Variants in MACROH2A1 observed in about 807,000 individuals in gnomAD.
The protein encoded by MACROH2A1 is core histone macro-H2A.1.
Under a neutral mutation model 31.6 loss-of-function variants are expected in MACROH2A1, and 2 were observed. The ratio of observed to expected loss-of-function variants is 0.06; its 90% CI spans 0.03 to 0.20. The LOEUF is 0.20. Among genes scored for constraint, MACROH2A1 ranks in the 10% least tolerant of loss-of-function variants. The pLI is 1.00. For missense variants in MACROH2A1, 230 were observed against 474.0 expected (o/e 0.49, Z 4.78); for synonymous variants, 169 against 189.6 (o/e 0.89, Z 0.89).
intron 5 of MACROH2A1, chr5:135,354,855 A>G (rs1205584207): frequency 5.7e-6 from 2 of 352,732 alleles, no homozygotes; most frequent in Non-Finnish European, 5.6e-6. Context: ...ACTCCCCACC[A>G]CACACCACCA....
chr5:135,345,812 A>T (rs1760745433), intron 7 of MACROH2A1, 156 bp downstream of exon 7: 1 of 575,934 alleles, frequency 1.7e-6, no homozygotes, highest in African/African-American at 1.9e-5. Flanking sequence ...ATGTGGTGAA[A>T]CTCTAAGATG....
In MACROH2A1 at chr5:135,379,021, TA is replaced by T. The variant is rs150875173; in HGVS notation, c.173-8880del. 2.0e-5 allele frequency among the ~76,000 whole-genome samples: 3 copies of T among 152,330 alleles called. No homozygotes were observed. In the East Asian group the frequency reaches 5.8e-4, roughly 29 times the overall value. On this transcript the variant is annotated intron_variant, in intron 2 of 8. Coordinates refer to ENST00000511689, the MANE Select transcript of MACROH2A1 (RefSeq NM_138610.3). ...TTTTAGCAGTCAATACTCAGATTTATAGAGGCAACATAAATGTGAACCAAAG... is the reference window on the plus strand; with the variant it reads ...TTTTAGCAGTCAATACTCAGATTTATGAGGCAACATAAATGTGAACCAAAG...
Position 135,369,983 on chromosome 5 carries a change from G to T in MACROH2A1, c.279+53C>A. The T allele has an allele frequency of 1.7e-6, 2 of 1,156,930 alleles. No individual in the cohort carries two copies. Among genetic ancestry groups the T allele is most frequent in the South Asian group, 1.3e-5 (1 of 77,614 alleles). The allele number at this position is 1,156,930 out of a possible 1,614,324, so 71.7% of individuals were successfully genotyped here. A position where few individuals can be genotyped will look rare whatever the true frequency, so the allele number is the denominator to read the frequency against. ...CCAAAGCCTCTCAGCTATGTTTCTT[G>T]GGCAGTATGACCACCTGCTCAAACA... On this transcript the variant is annotated intron_variant, in intron 3 of 8. Coordinates refer to ENST00000511689, the MANE Select transcript of MACROH2A1 (RefSeq NM_138610.3). This position sits in a 1 kb window ranked among gnomAD's most constrained non-coding sequence, Gnocchi z 4.3.
At chr5:135,358,866 A>G in intron 5 of MACROH2A1, 2 of 984,940 alleles carry the variant, frequency 2.0e-6, no homozygotes, top group Non-Finnish European at 2.4e-6. Context: ...GATGTATCTG[A>G]AAAGGAAGAG....
rs966591646 is a variant in MACROH2A1, at chr5:135,359,404, C to A, written c.588+1093G>T. On this transcript the variant is annotated intron_variant, in intron 5 of 8. Coordinates refer to ENST00000511689, the MANE Select transcript of MACROH2A1 (RefSeq NM_138610.3). The stretch of plus-strand genomic sequence containing the variant: ...AACAAAAAATATTTTAAAACAAAAA[C>A]TTTCAAATCCCCAGACCTTAAGATG... 20 of 985,040 alleles carry A rather than the reference C, an allele frequency of 2.0e-5. No homozygotes were observed. In the African/African-American group the frequency reaches 3.5e-4, roughly 17 times the overall value. The allele number at this position is 985,040 out of a possible 1,614,324, so 61.0% of individuals were successfully genotyped here.
rs560854158 is a variant in MACROH2A1 at position 135,339,858 on chromosome 5, A to G, written c.953+3402T>C. Among the ~76,000 whole-genome samples the G allele has an allele frequency of 1.1e-3, 160 of 152,330 alleles. 1 individual carries two copies. Among genetic ancestry groups the G allele is most frequent in the African/African-American group, 3.3e-3 (139 of 41,568 alleles). On this transcript the variant is annotated intron_variant, in intron 8 of 8. Transcript: ENST00000511689. Reference sequence around the variant, plus strand: ...TGAGCTGTGCCCCCTGCAGCTAGAGAGGGGATGGGGCAGCCCCAAAGTGGC... The same window carrying G: ...TGAGCTGTGCCCCCTGCAGCTAGAGGGGGGATGGGGCAGCCCCAAAGTGGC...
intron 2 of MACROH2A1, among the ~76,000 whole-genome samples, chr5:135,374,717 T>C (rs1346788548): frequency 2.0e-5 from 3 of 152,200 alleles, no homozygotes; most frequent in Non-Finnish European, 4.4e-5. Context: ...CTGAGAAAGA[T>C]AACCAGGAAA....
At chr5:135,372,121 A>C (rs963058098) in intron 2 of MACROH2A1, among the ~76,000 whole-genome samples, 1 of 152,202 alleles carries the variant, frequency 6.6e-6, no homozygotes, top group Non-Finnish European at 1.5e-5. Context: ...TCCTTTGCTC[A>C]GTAATCACCA....
At chr5:135,366,813 T>C (rs890795997) in intron 4 of MACROH2A1, among the ~76,000 whole-genome samples, 6 of 152,104 alleles carry the variant, frequency 3.9e-5, no homozygotes, top group Non-Finnish European at 7.4e-5. Context: ...GGTTACTGAA[T>C]TGTAAGGCTG....
intron 4 of MACROH2A1, among the ~76,000 whole-genome samples, chr5:135,364,881 A>G (rs1327806441): frequency 6.6e-6 from 1 of 152,202 alleles, no homozygotes; most frequent in Non-Finnish European, 1.5e-5. Context: ...TTCCTCAACA[A>G]GAGAAAGAGG....
At chr5:135,367,808 G>C (rs1763702144) in intron 4 of MACROH2A1, among the ~76,000 whole-genome samples, 2 of 152,238 alleles carry the variant, frequency 1.3e-5, no homozygotes, top group South Asian at 4.1e-4. Flanking sequence ...GATAGATTCA[G>C]TATCTTCGTT....
intron 2 of MACROH2A1, among the ~76,000 whole-genome samples, chr5:135,378,315 T>C (rs1176647017): frequency 1.3e-5 from 2 of 152,232 alleles, no homozygotes; most frequent in Non-Finnish European, 2.9e-5. Context: ...GGCCAGCACA[T>C]GTCACTCCAG....
At chr5:135,384,042 AAG>A (rs1299441279) in intron 2 of MACROH2A1, among the ~76,000 whole-genome samples, 1 of 152,142 alleles carries the variant, frequency 6.6e-6, no homozygotes, top group Non-Finnish European at 1.5e-5. Context: ...GAAGGTGGTA[AAG>A]AGATTTGGGA....
chr5:135,358,463 G>C, intron 5 of MACROH2A1: 6 of 985,406 alleles, frequency 6.1e-6, no homozygotes, highest in Non-Finnish European at 7.2e-6. Context: ...AGGAAGGGCA[G>C]TTTCTTGGTA....
chr5:135,391,590 G>A (rs2149977285), intron 1 of MACROH2A1, among the ~76,000 whole-genome samples: 1 of 152,310 alleles, frequency 6.6e-6, no homozygotes, highest in African/African-American at 2.4e-5. Flanking sequence ...GCAACACCTG[G>A]CCGCTGAGCC....
chr5:135,343,631 G>A (rs1480316524), intron 7 of MACROH2A1, 197 bp from the exon 8 acceptor site: 1 of 819,452 alleles, frequency 1.2e-6, no homozygotes, highest in Non-Finnish European at 1.8e-6. Flanking sequence ...TTGGAAAGTT[G>A]GCATTATGAT....
intron 8 of MACROH2A1, chr5:135,338,161 C>T: frequency 3.8e-6 from 1 of 264,064 alleles, no homozygotes. Flanking sequence ...GCAGCGGTGG[C>T]ACATGCAGCA....
chr5:135,343,416 T>C lies in MACROH2A1; in HGVS notation c.797A>G (p.His266Arg), dbSNP rs770424510. ...EVAGAAVSAG[H>R]GLPAKFVIHC... ...GATCACAAACTTGGCAGGCAGGCCA[T>C]GGCCTGCGCTGACAGCAGCTAGTGG... Residue 266 changes from histidine to arginine, a missense_variant, in exon 8 of 9, where the codon CAT becomes CGT. This residue lies in a region of MACROH2A1 where 183 missense variants were observed against 319.3 expected (regional missense o/e 0.57). Transcript: ENST00000511689. 5 of 1,614,032 alleles carry C rather than the reference T, an allele frequency of 3.1e-6. No homozygotes were observed. In the Admixed American group the frequency reaches 6.7e-5, roughly 22 times the overall value.
At chr5:135,374,666 GTC>G (rs1462773078) in intron 2 of MACROH2A1, among the ~76,000 whole-genome samples, 9 of 152,200 alleles carry the variant, frequency 5.9e-5, no homozygotes, top group Non-Finnish European at 1.2e-4. Flanking sequence ...GGTTTTGTGA[GTC>G]TCTGTTTTGT....
Sources: allele counts gnomAD v4.1 joint callset (sites outside exome capture counted in the v4.1 genomes callset), GRCh38; gene constraint gnomAD v4.1.1; regional missense constraint gnomAD v4.1.1; non-coding constraint Gnocchi (gnomAD v3.1); transcripts MANE v1.5; gene names NCBI Gene and HGNC (gene_info 2026-07-23, HGNC 2026-07-21).